Variants in UFD1 observed in about 807,000 individuals in gnomAD.
UFD1 encodes ubiquitin recognition factor in ER associated degradation 1.
In UFD1, 13 loss-of-function variants were observed where a neutral mutation model predicts 45.9. The ratio of observed to expected loss-of-function variants is 0.28; its 90% CI spans 0.18 to 0.45. The LOEUF (loss-of-function observed/expected upper bound fraction) is 0.45. Ranked by LOEUF, UFD1 falls within the 20% of genes least tolerant of loss-of-function variation. The pLI is 1.00. For synonymous variants in UFD1, 128 were observed against 139.2 expected (o/e 0.92, Z 0.56); for missense variants, 218 against 389.2 (o/e 0.56, Z 3.70).
intron 6 of UFD1, among the ~76,000 whole-genome samples, chr22:19,459,753 T>TTTC (rs892949844): frequency 6.7e-6 from 1 of 149,452 alleles, no homozygotes; most frequent in Admixed American, 6.7e-5. Context: ...TTTTTTTTTT[T>TTTC]TTCGAGATGG....
chr22:19,477,424 G>C (rs1023657187), intron 1 of UFD1, among the ~76,000 whole-genome samples: 2 of 152,200 alleles, frequency 1.3e-5, no homozygotes, highest in Non-Finnish European at 2.9e-5. Context: ...GCCAAGTGAA[G>C]TAAGTCAGTC....
chr22:19,464,925 CA>C (rs1311710055), intron 6 of UFD1, among the ~76,000 whole-genome samples: 3 of 152,192 alleles, frequency 2.0e-5, no homozygotes, highest in Non-Finnish European at 4.4e-5. Flanking sequence ...CCTTTCAAAC[CA>C]AGACAGAACC....
intron 3 of UFD1, among the ~76,000 whole-genome samples, chr22:19,473,374 A>G (rs980781159): frequency 5.9e-5 from 9 of 152,224 alleles, no homozygotes; most frequent in Non-Finnish European, 1.5e-5. Context: ...AGGACTTCCT[A>G]TAAGATTTAG....
At chr22:19,454,936 C>T in intron 10 of UFD1, 106 bp from the exon 11 acceptor site, 1 of 1,315,280 alleles carries the variant, frequency 7.6e-7, no homozygotes, top group Non-Finnish European at 1.0e-6. Context: ...CTGCACCCCA[C>T]CTGGGCCCTT....
At position 19,475,692 on chromosome 22, in the gene UFD1, A is replaced by G. The variant is rs2089876479; in HGVS notation, c.4-90T>C. On this transcript the variant is annotated intron_variant, in intron 1 of 11. Transcript: ENST00000263202. ...ACATGTCAGAGTAATTAATGCTACT[A>G]AACATTGTCAGAGAACACAATGTAC... 5 of 1,433,194 alleles carry G rather than the reference A, an allele frequency of 3.5e-6. No homozygotes were observed. The East Asian group carries it at 1.2e-4, about 33-fold the overall frequency. The allele number at this position is 1,433,194 out of a possible 1,614,324, so 88.8% of individuals were successfully genotyped here.
At chr22:19,473,901 T>A (rs974333753) in intron 3 of UFD1, among the ~76,000 whole-genome samples, 1 of 152,148 alleles carries the variant, frequency 6.6e-6, no homozygotes, top group African/African-American at 2.4e-5. Context: ...AAACCAAGCA[T>A]GAACCTGTCC....
chr22:19,468,865 C>A (rs1211100755), intron 4 of UFD1, among the ~76,000 whole-genome samples: 1 of 152,146 alleles, frequency 6.6e-6, no homozygotes, highest in East Asian at 1.9e-4. Flanking sequence ...AAGAATGTTT[C>A]ATCGGGAGTG....
In UFD1 at chr22:19,471,716, C is replaced by T. The variant is rs1278105278; in HGVS notation, c.262G>A (p.Asp88Asn). 6.2e-7 allele frequency: 1 copy of T among 1,613,658 alleles called. No individual in the cohort carries two copies. Among genetic ancestry groups the T allele is most frequent in the Admixed American group, 1.7e-5 (1 of 60,020 alleles). Residue 88 changes from aspartate (D) to asparagine (N), a missense_variant, in exon 4 of 12, where the codon GAT (aspartate) becomes AAT (asparagine). Asp to Asn is a conservative substitution (Grantham distance 23). This residue lies in a region of UFD1 where 149 missense variants were observed against 307.5 expected (regional missense o/e 0.48). Transcript: ENST00000263202. The part of the protein sequence containing the change: ...THCGVLEFVA[D>N]EGICYLPHWM... ...TGTGGGAGGTAGCAGATGCCCTCAT[C>T]AGCCACAAACTCCAGCACGCCACAA...
chr22:19,463,451 CTAGAAATTCT>C (rs1266092446), intron 6 of UFD1, among the ~76,000 whole-genome samples: 1 of 152,166 alleles, frequency 6.6e-6, no homozygotes, highest in Non-Finnish European at 1.5e-5. Context: ...ACATTTGTAT[CTAGAAATTCT>C]AATGCTGATT....
chr22:19,459,841 C>T (rs138948836), intron 6 of UFD1, among the ~76,000 whole-genome samples: 2,686 of 149,776 alleles, frequency 0.018, 93 homozygotes, highest in African/African-American at 0.062. Flanking sequence ...CGGGTTCCAG[C>T]GATTCTCTTG....
intron 5 of UFD1, chr22:19,466,097 G>C (rs1180702924): frequency 6.6e-6 from 1 of 152,236 alleles, no homozygotes; most frequent in African/African-American, 2.4e-5. Flanking sequence ...AGGCTATCTA[G>C]GTTCACCTCG....
chr22:19,458,063 C>A lies in UFD1; in HGVS notation c.564+8G>T. On this transcript the variant is annotated splice_region_variant and intron_variant, in intron 7 of 11. Transcript: ENST00000263202. ...CCAGGCTCACTGTAACTGGACAGAG[C>A]CACTCACGTTCATGTCACACTCAAT... 2 of 1,614,046 alleles carry A rather than the reference C, an allele frequency of 1.2e-6. No homozygotes were observed. Among genetic ancestry groups the A allele is most frequent in the East Asian group, 4.5e-5 (2 of 44,866 alleles).
intron 2 of UFD1, among the ~76,000 whole-genome samples, 169 bp downstream of exon 2, chr22:19,475,301 C>G (rs890255508): frequency 6.6e-6 from 1 of 152,078 alleles, no homozygotes; most frequent in African/African-American, 2.4e-5. Flanking sequence ...TAAACCTAAC[C>G]ATAATTAGCA....
At chr22:19,456,143 C>T (rs1368917638) in intron 9 of UFD1, among the ~76,000 whole-genome samples, 1 of 152,208 alleles carries the variant, frequency 6.6e-6, no homozygotes, top group African/African-American at 2.4e-5. Context: ...CACCTCCTGC[C>T]ACCTCAGTGC....
intron 7 of UFD1, 143 bp downstream of exon 7, chr22:19,457,928 T>G: frequency 1.3e-6 from 1 of 796,766 alleles, no homozygotes; most frequent in Non-Finnish European, 2.1e-6. Flanking sequence ...AGTCTCCTCA[T>G]GATGTTCTGA....
intron 10 of UFD1, among the ~76,000 whole-genome samples, chr22:19,455,347 G>T (rs192812091): frequency 1.3e-3 from 191 of 152,284 alleles, no homozygotes; most frequent in African/African-American, 4.4e-3. Flanking sequence ...CAGGAAAATA[G>T]GCAGATCACC....
intron 11 of UFD1, chr22:19,453,074 G>A (rs75637138): frequency 0.18 from 181,600 of 984,920 alleles, 17,098 homozygotes; most frequent in East Asian, 0.31. Context: ...TCTGACTGTG[G>A]CCTTCACTTC....
chr22:19,479,188 C>A lies in UFD1; in HGVS notation c.-103G>T. ...CGCTGCCGCTGCCGCCGCGCCAAGCCGGTACGCCCCAGAGGCTCACCGGAA... is the reference window on the plus strand; with the variant it reads ...CGCTGCCGCTGCCGCCGCGCCAAGCAGGTACGCCCCAGAGGCTCACCGGAA... On this transcript the variant is annotated 5_prime_UTR_variant, in exon 1 of 12. Coordinates refer to ENST00000263202, the MANE Select transcript of UFD1 (RefSeq NM_005659.7). 1 of 1,575,186 alleles carries A rather than the reference C, an allele frequency of 6.3e-7. No homozygotes were observed. Among genetic ancestry groups the A allele is most frequent in the East Asian group, 2.3e-5 (1 of 42,802 alleles).
chr22:19,468,957 G>C (rs1433353184), intron 4 of UFD1, among the ~76,000 whole-genome samples: 3 of 152,346 alleles, frequency 2.0e-5, no homozygotes, highest in Admixed American at 2.0e-4. Context: ...CATGAGGAGG[G>C]AGAGGCATGC....
Sources: allele counts gnomAD v4.1 joint callset (sites outside exome capture counted in the v4.1 genomes callset), GRCh38; gene constraint gnomAD v4.1.1; regional missense constraint gnomAD v4.1.1; transcripts MANE v1.5; gene names NCBI Gene and HGNC (gene_info 2026-07-23, HGNC 2026-07-21).